NRXN1: variants seen among roughly 807,000 people sequenced by gnomAD.
NRXN1 encodes neurexin-1.
A neutral mutation model predicts 150.9 loss-of-function variants in NRXN1; 39 were observed. That is an observed-to-expected ratio of 0.26 (90% CI 0.20 to 0.34). The LOEUF (loss-of-function observed/expected upper bound fraction) is 0.34. NRXN1 is among the 10% of genes least tolerant of loss of function. The probability of loss-of-function intolerance (pLI) is 1.00; values close to 1 mark genes in which losing one functional copy is unlikely to be tolerated. For synonymous variants in NRXN1, 924 were observed against 757.0 expected (o/e 1.22, Z -3.62); for missense variants, 1,815 against 1,949.9 (o/e 0.93, Z 1.30).
rs572093388 is a variant in NRXN1, at chr2:50,960,338, C to G, written c.773-34383G>C. On this transcript the variant is annotated intron_variant, in intron 2 of 22. Coordinates refer to ENST00000401669, the MANE Select transcript of NRXN1 (RefSeq NM_001330078.2). The stretch of plus-strand genomic sequence containing the variant: ...CCCTCCCTCCCTCCCTTCTTCCCTC[C>G]TTCCCTCCTTTCCTTCCTTTCCTAC... Among the ~76,000 whole-genome samples, 3 of 150,704 alleles carry G rather than the reference C, an allele frequency of 2.0e-5. No individual in the cohort carries two copies. In the East Asian group the frequency reaches 5.9e-4, roughly 30 times the overall value.
At chr2:50,098,411 C>T (rs1700523919) in intron 18 of NRXN1, among the ~76,000 whole-genome samples, 3 of 151,998 alleles carry the variant, frequency 2.0e-5, no homozygotes, top group Non-Finnish European at 4.4e-5. Context: ...CCTCAAACTG[C>T]CATGGGAGCA....
At position 50,053,388 on chromosome 2, in the gene NRXN1, C is replaced by G. The variant is rs200935246; in HGVS notation, c.4011G>C (p.Glu1337Asp). The change falls in exon 21 of 23, where the codon GAG (glutamate) becomes GAC (aspartate). Residue 1337 changes from glutamate (E) to aspartate (D), a missense_variant. By Grantham distance (45) the Glu-to-Asp change is conservative. Around this residue, in one of 6 missense-constraint regions of NRXN1, gnomAD observed 265 missense variants for 307.1 expected, o/e 0.86. Coordinates refer to ENST00000401669, the MANE Select transcript of NRXN1 (RefSeq NM_001330078.2). Reference sequence around the variant, plus strand: ...CTGATTGCATGGCAGTGGCTGTTGACTCAGTTGTCATAGAGGAAGGCACTT... The same window carrying G: ...CTGATTGCATGGCAGTGGCTGTTGAGTCAGTTGTCATAGAGGAAGGCACTT... ...VGEVPSSMTT[E>D]STATAMQSEM... The G allele has an allele frequency of 3.7e-5, 59 of 1,613,928 alleles. No homozygotes were observed. The East Asian group carries it at 9.4e-4, about 26-fold the overall frequency.
At chr2:50,992,600 C>T (rs972620846) in intron 2 of NRXN1, among the ~76,000 whole-genome samples, 1 of 151,850 alleles carries the variant, frequency 6.6e-6, no homozygotes, top group Non-Finnish European at 1.5e-5. Context: ...TCAGGGAGGG[C>T]CTTTTGAGGA....
At chr2:50,392,966 A>G (rs2081828160) in intron 17 of NRXN1, among the ~76,000 whole-genome samples, 2 of 152,096 alleles carry the variant, frequency 1.3e-5, no homozygotes, top group Non-Finnish European at 1.5e-5. Flanking sequence ...TTTACTTTAA[A>G]TCTTCATTTC....
intron 15 of NRXN1, among the ~76,000 whole-genome samples, chr2:50,474,601 C>A (rs567191072): frequency 2.1e-5 from 3 of 144,398 alleles, no homozygotes; most frequent in African/African-American, 5.1e-5. Flanking sequence ...TAACCTGAGA[C>A]CTTAGACAGT....
chr2:49,973,881 T>A, intron 21 of NRXN1: 1 of 627,088 alleles, frequency 1.6e-6, no homozygotes, highest in South Asian at 2.0e-5. Flanking sequence ...ATTTTCATTA[T>A]TATTGTTTTT....
At chr2:50,798,043 C>T (rs1707092190) in intron 5 of NRXN1, among the ~76,000 whole-genome samples, 1 of 151,962 alleles carries the variant, frequency 6.6e-6, no homozygotes, top group South Asian at 2.1e-4. Flanking sequence ...GTAGATATTT[C>T]CTATGATTCT....
intron 5 of NRXN1, among the ~76,000 whole-genome samples, chr2:50,877,099 T>G (rs1641478011): frequency 6.6e-6 from 1 of 151,788 alleles, no homozygotes; most frequent in Non-Finnish European, 1.5e-5. Context: ...CTAACTCATC[T>G]AAAGGATGGT....
chr2:50,859,331 C>T (rs192326790), intron 5 of NRXN1, among the ~76,000 whole-genome samples: 1 of 151,952 alleles, frequency 6.6e-6, no homozygotes, highest in African/African-American at 2.4e-5. Flanking sequence ...GGGCAGTGCA[C>T]AGAAGCCAGA....
chr2:50,153,071 C>G (rs944177357), intron 18 of NRXN1, among the ~76,000 whole-genome samples: 3 of 151,608 alleles, frequency 2.0e-5, no homozygotes, highest in African/African-American at 7.3e-5. Flanking sequence ...AAATCTTGAC[C>G]TATCTTCAAG....
chr2:50,398,993 T>C (rs1176451518), intron 17 of NRXN1, among the ~76,000 whole-genome samples: 2 of 152,192 alleles, frequency 1.3e-5, no homozygotes, highest in East Asian at 3.9e-4. Context: ...AATTATAACA[T>C]GTCTGGACAA....
chr2:50,098,776 G>A (rs1216060661), intron 18 of NRXN1, among the ~76,000 whole-genome samples: 6 of 138,636 alleles, frequency 4.3e-5, no homozygotes, highest in African/African-American at 5.3e-5. Flanking sequence ...CACCCTTAGA[G>A]GATGAGTCAA....
chr2:50,902,864 A>C (rs1345206646), intron 5 of NRXN1, among the ~76,000 whole-genome samples: 1 of 152,184 alleles, frequency 6.6e-6, no homozygotes, highest in African/African-American at 2.4e-5. Context: ...AAAATGAATT[A>C]ATAGATTAAT....
chr2:50,298,585 C>G (rs1049110299), intron 17 of NRXN1, among the ~76,000 whole-genome samples: 5 of 151,786 alleles, frequency 3.3e-5, no homozygotes, highest in African/African-American at 1.2e-4. Context: ...TGAACCTGAA[C>G]AAGATATTTT....
At chr2:50,613,155 A>T (rs1349006871) in intron 8 of NRXN1, among the ~76,000 whole-genome samples, 8 of 152,174 alleles carry the variant, frequency 5.3e-5, no homozygotes, top group Non-Finnish European at 1.5e-5. Context: ...GGTAGAAAAA[A>T]AATTTCTTTC....
intron 5 of NRXN1, among the ~76,000 whole-genome samples, chr2:50,902,856 A>G (rs7564490): frequency 0.085 from 13,005 of 152,258 alleles, 622 homozygotes; most frequent in South Asian, 0.12. Flanking sequence ...ACAAGTCAAA[A>G]ATGAATTAAT....
intron 5 of NRXN1, among the ~76,000 whole-genome samples, chr2:50,630,723 A>G (rs1165993540): frequency 1.3e-5 from 2 of 151,782 alleles, no homozygotes; most frequent in Non-Finnish European, 3.0e-5. Flanking sequence ...TGATTCAAAG[A>G]TTATGTTCAA....
At chr2:50,767,866 A>C (rs1314341719) in intron 5 of NRXN1, among the ~76,000 whole-genome samples, 1 of 152,084 alleles carries the variant, frequency 6.6e-6, no homozygotes, top group Admixed American at 6.6e-5. Context: ...AAGGGCATTA[A>C]ACATGTAATT....
At chr2:50,953,718 T>A (rs1169914572) in intron 2 of NRXN1, among the ~76,000 whole-genome samples, 1 of 151,950 alleles carries the variant, frequency 6.6e-6, no homozygotes, top group African/African-American at 2.4e-5. Flanking sequence ...CCCGCCACCA[T>A]GCCTGGCTAA....
Sources: allele counts gnomAD v4.1 joint callset (sites outside exome capture counted in the v4.1 genomes callset), GRCh38; gene constraint gnomAD v4.1.1; regional missense constraint gnomAD v4.1.1; transcripts MANE v1.5; gene names NCBI Gene and HGNC (gene_info 2026-07-23, HGNC 2026-07-21).